ABCB5: variants seen among roughly 807,000 people sequenced by gnomAD.
The protein encoded by ABCB5 is ATP-binding cassette sub-family B member 5.
In ABCB5, 155 loss-of-function variants were observed where a neutral mutation model predicts 144.2. The ratio of observed to expected loss-of-function variants is 1.08; its 90% CI spans 0.94 to 1.23. ABCB5 has a LOEUF of 1.23. Among genes scored for constraint, ABCB5 ranks in the 50% most tolerant of loss-of-function variants. The probability of loss-of-function intolerance (pLI) is 0.00; values close to 1 mark genes in which losing one functional copy is unlikely to be tolerated. For missense variants in ABCB5, 1,830 were observed against 1,520.8 expected, an observed-to-expected ratio of 1.20 and a Z score of -3.38; for synonymous variants, 610 against 528.6, an observed-to-expected ratio of 1.15 and a Z score of -2.11.
At chr7:20,617,652 T>C (rs949540874) in intron 1 of ABCB5, among the ~76,000 whole-genome samples, 27 of 152,218 alleles carry the variant, frequency 1.8e-4, no homozygotes, top group Middle Eastern at 3.4e-3. Context: ...AGTTTTAGAG[T>C]GAGACCCAAA....
chr7:20,621,500 G>T (rs114436065), intron 1 of ABCB5, among the ~76,000 whole-genome samples: 4 of 152,004 alleles, frequency 2.6e-5, no homozygotes, highest in African/African-American at 9.7e-5. Flanking sequence ...GTAAGACTAC[G>T]GTCTAGAGTA....
At chr7:20,675,694 G>A (rs1382209206) in intron 14 of ABCB5, among the ~76,000 whole-genome samples, 1 of 150,498 alleles carries the variant, frequency 6.6e-6, no homozygotes, top group Non-Finnish European at 1.5e-5. Flanking sequence ...TGCACCACAA[G>A]GGAAATAATC....
chr7:20,722,415 G>C (rs1368985205), intron 20 of ABCB5, among the ~76,000 whole-genome samples: 2 of 152,170 alleles, frequency 1.3e-5, no homozygotes, highest in East Asian at 1.9e-4. Flanking sequence ...CCACATAAAA[G>C]TCTCCCTTTA....
chr7:20,641,460 A>T (rs1396512760), intron 5 of ABCB5: 1 of 152,576 alleles, frequency 6.6e-6, no homozygotes, highest in Non-Finnish European at 1.5e-5. Flanking sequence ...AGGCAGGAGG[A>T]TTCCTTAAGC....
intron 14 of ABCB5, among the ~76,000 whole-genome samples, chr7:20,663,629 T>C (rs1785075297): frequency 6.6e-6 from 1 of 151,746 alleles, no homozygotes; most frequent in African/African-American, 2.4e-5. Flanking sequence ...ACAATTTGAA[T>C]ATGAGATGAT....
chr7:20,752,677 T>C (rs1782968074), intron 26 of ABCB5, among the ~76,000 whole-genome samples: 2 of 152,100 alleles, frequency 1.3e-5, no homozygotes, highest in African/African-American at 4.8e-5. Flanking sequence ...TGAAACCTCA[T>C]CTCTACTAAA....
intron 24 of ABCB5, among the ~76,000 whole-genome samples, chr7:20,742,298 T>C (rs530599742): frequency 6.6e-6 from 1 of 152,128 alleles, no homozygotes; most frequent in South Asian, 2.1e-4. Context: ...GGCTTGAGCC[T>C]GGGAAGTGGA....
At chr7:20,726,496 A>G (rs1782041427) in intron 21 of ABCB5, among the ~76,000 whole-genome samples, 1 of 150,406 alleles carries the variant, frequency 6.6e-6, no homozygotes, top group Non-Finnish European at 1.5e-5. Flanking sequence ...CTTCCTGAGT[A>G]GCTGGGATTA....
chr7:20,681,108 CTTTCTTT>C (rs1464054857), intron 14 of ABCB5, among the ~76,000 whole-genome samples: 290 of 7,014 alleles, frequency 0.041, 37 homozygotes, highest in African/African-American at 0.07. Context: ...TTCTTTCTTT[CTTTCTTT>C]CTTTCTTTCT....
chr7:20,706,449 T>C (rs1006698426), intron 20 of ABCB5, among the ~76,000 whole-genome samples: 1 of 152,218 alleles, frequency 6.6e-6, no homozygotes, highest in South Asian at 2.1e-4. Context: ...GACCCAACAT[T>C]ACTGTCCTTA....
At chr7:20,659,417 G>T (rs1440462074) in intron 14 of ABCB5, 8 of 1,162,432 alleles carry the variant, frequency 6.9e-6, no homozygotes, top group Middle Eastern at 3.6e-4. Flanking sequence ...TAAGAAAATC[G>T]CAGGCTTCTT....
intron 16 of ABCB5, among the ~76,000 whole-genome samples, chr7:20,689,003 A>T (rs548215852): frequency 4.3e-4 from 65 of 152,192 alleles, no homozygotes; most frequent in Non-Finnish European, 6.6e-4. Flanking sequence ...GCATTAGGAG[A>T]TATACCTAAG....
Position 20,755,559 on chromosome 7 carries a change from C to T in ABCB5, c.3709C>T (p.His1237Tyr). Residue 1237 changes from histidine (H) to tyrosine (Y), a missense_variant, in exon 28 of 28, where the codon CAT (histidine) becomes TAT (tyrosine). His to Tyr is a moderately conservative substitution (Grantham distance 83, BLOSUM62 2). Coordinates refer to ENST00000404938, the MANE Select transcript of ABCB5 (RefSeq NM_001163941.2). ...TGGAAAGATAAAGGAACAAGGAACT[C>T]ATCAAGAGCTCCTGAGAAATCGAGA... ...HNGKIKEQGT[H>Y]QELLRNRDIY... 1 of 1,614,172 alleles carries T rather than the reference C, an allele frequency of 6.2e-7. No homozygotes were observed. The highest frequency in any genetic ancestry group is 8.5e-7 in the Non-Finnish European group (1 of 1,180,008).
chr7:20,651,655 T>C (rs1177828859), intron 13 of ABCB5, 32 bp downstream of exon 13: 1 of 1,604,812 alleles, frequency 6.2e-7, no homozygotes, highest in African/African-American at 1.3e-5. Context: ...TGTCCTTAGC[T>C]TATGGTGGCA....
At chr7:20,727,201 C>T in intron 22 of ABCB5, 61 bp downstream of exon 22, 2 of 1,195,044 alleles carry the variant, frequency 1.7e-6, no homozygotes. Context: ...GCAGTACTCT[C>T]AAATGACTCC....
chr7:20,718,471 T>C (rs1781759606), intron 20 of ABCB5, among the ~76,000 whole-genome samples: 1 of 152,220 alleles, frequency 6.6e-6, no homozygotes, highest in Non-Finnish European at 1.5e-5. Flanking sequence ...CATAGTTTTT[T>C]GAGTGTTTGC....
chr7:20,658,598 C>T lies in ABCB5; in HGVS notation c.1629C>T (p.Pro543=). The part of the protein sequence containing the change: ...IAIARALVRN[P]KILILDEATS... ...TTGCTCGTGCCTTAGTTCGAAACCC[C>T]AAGATTCTGATTTTAGATGAGGCTA... Residue 543 remains proline, a synonymous_variant, in exon 14 of 28, where the codon CCC becomes CCT. Transcript: ENST00000404938. 6.2e-7 allele frequency: 1 copy of T among 1,614,118 alleles called. No individual in the cohort carries two copies. The highest frequency in any genetic ancestry group is 1.6e-4 in the Middle Eastern group (1 of 6,062).
At chr7:20,653,928 A>G (rs1196361515) in intron 13 of ABCB5, among the ~76,000 whole-genome samples, 1 of 152,226 alleles carries the variant, frequency 6.6e-6, no homozygotes, top group Non-Finnish European at 1.5e-5. Context: ...CCCCCCAGGC[A>G]AGTAGCTAAA....
At chr7:20,753,647 G>C in intron 27 of ABCB5, 141 bp downstream of exon 27, 2 of 955,412 alleles carry the variant, frequency 2.1e-6, no homozygotes, top group South Asian at 5.3e-5. Flanking sequence ...TTAAGGCTTT[G>C]GACCTTTACA....
Sources: allele counts gnomAD v4.1 joint callset (sites outside exome capture counted in the v4.1 genomes callset), GRCh38; gene constraint gnomAD v4.1.1; transcripts MANE v1.5; gene names NCBI Gene and HGNC (gene_info 2026-07-23, HGNC 2026-07-21).